HNMT: variants seen among roughly 807,000 people sequenced by gnomAD.
HNMT encodes the protein histamine N-methyltransferase.
Under a neutral mutation model 32.1 loss-of-function variants are expected in HNMT, and 30 were observed. The observed-to-expected ratio is 0.93, with a 90% CI of 0.70 to 1.27. HNMT has a LOEUF of 1.27. Among genes scored for constraint, HNMT ranks in the 50% most tolerant of loss-of-function variants. The probability of loss-of-function intolerance (pLI) is 0.00; values close to 1 mark genes in which losing one functional copy is unlikely to be tolerated. For synonymous variants in HNMT, 125 were observed against 119.0 expected, an observed-to-expected ratio of 1.05 and a Z score of -0.33; for missense variants, 327 against 346.0, an observed-to-expected ratio of 0.95 and a Z score of 0.43.
intron 2 of HNMT, among the ~76,000 whole-genome samples, chr2:137,982,955 C>G (rs1290049760): frequency 6.6e-6 from 1 of 152,120 alleles, no homozygotes; most frequent in African/African-American, 2.4e-5. Flanking sequence ...AGCTGAGGTT[C>G]AGATATTTTG....
At chr2:137,993,206 G>C (rs1466397647) in intron 2 of HNMT, among the ~76,000 whole-genome samples, 2 of 152,118 alleles carry the variant, frequency 1.3e-5, no homozygotes, top group Non-Finnish European at 2.9e-5. Context: ...GGATCAGATG[G>C]ACAAATTGAC....
chr2:137,969,860 A>G (rs1405060534), intron 1 of HNMT, among the ~76,000 whole-genome samples: 1 of 152,096 alleles, frequency 6.6e-6, no homozygotes, highest in East Asian at 1.9e-4. Context: ...ATATGACTAG[A>G]CTCAAAACTC....
chr2:137,981,068 T>C (rs1356625580), intron 2 of HNMT: 7 of 1,043,088 alleles, frequency 6.7e-6, no homozygotes, highest in Non-Finnish European at 5.3e-6. Flanking sequence ...ACAAAAATGA[T>C]AATAATCTTA....
chr2:137,974,005 A>T (rs572691038), intron 2 of HNMT, among the ~76,000 whole-genome samples: 10 of 152,156 alleles, frequency 6.6e-5, no homozygotes, highest in Admixed American at 6.5e-4. Flanking sequence ...GATGACTCTG[A>T]GTCATCTACC....
At chr2:138,005,048 T>G in intron 4 of HNMT, 84 bp from the exon 5 acceptor site, 1 of 707,056 alleles carries the variant, frequency 1.4e-6, no homozygotes, top group Non-Finnish European at 2.4e-6. Flanking sequence ...AACTAGAAAA[T>G]CAAACTTTCT....
intron 3 of HNMT, among the ~76,000 whole-genome samples, 155 bp downstream of exon 3, chr2:138,001,180 A>T (rs1681159461): frequency 6.6e-6 from 1 of 152,182 alleles, no homozygotes; most frequent in Admixed American, 6.6e-5. Flanking sequence ...GCATGACTAA[A>T]CATCTCAAAA....
At chr2:138,010,439 A>G (rs1037090288) in intron 5 of HNMT, among the ~76,000 whole-genome samples, 14 of 96,004 alleles carry the variant, frequency 1.5e-4, no homozygotes, top group African/African-American at 5.5e-4. Context: ...AAAAAGACAC[A>G]CGCACACACA....
At chr2:137,965,162 T>G (rs1679917614) in intron 1 of HNMT, among the ~76,000 whole-genome samples, 1 of 152,232 alleles carries the variant, frequency 6.6e-6, no homozygotes, top group African/African-American at 2.4e-5. Flanking sequence ...CAGCTTAATA[T>G]TAGCAATGTG....
intron 2 of HNMT, among the ~76,000 whole-genome samples, chr2:137,992,130 C>T (rs545139706): frequency 1.3e-5 from 2 of 152,296 alleles, no homozygotes; most frequent in South Asian, 2.1e-4. Context: ...CAGGGACTAG[C>T]GTCCCAACCC....
At chr2:137,982,995 C>T (rs1680548509) in intron 2 of HNMT, among the ~76,000 whole-genome samples, 1 of 152,186 alleles carries the variant, frequency 6.6e-6, no homozygotes, top group African/African-American at 2.4e-5. Flanking sequence ...TGCATTTCAT[C>T]AAGTAATAGA....
chr2:137,987,031 A>T (rs1053626192), intron 2 of HNMT, among the ~76,000 whole-genome samples: 23 of 152,212 alleles, frequency 1.5e-4, no homozygotes, highest in Non-Finnish European at 3.1e-4. Context: ...AGAAAATACT[A>T]TGATATGTTT....
chr2:138,015,827 T>C lies in HNMT; in HGVS notation c.*1697T>C, dbSNP rs1573687501. 1 of 152,154 alleles carries C rather than the reference T, an allele frequency of 6.6e-6. No individual in the cohort carries two copies. Among genetic ancestry groups the C allele is most frequent in the Non-Finnish European group, 1.5e-5 (1 of 68,002 alleles). The allele number at this position is 152,154 out of a possible 1,614,324, so 9.4% of individuals were successfully genotyped here. Reference sequence around the variant, plus strand: ...GTGCAAAAACAAACAAAATTAGAACTAACAATGCTATTGAAAGATACAAAA... The same window carrying C: ...GTGCAAAAACAAACAAAATTAGAACCAACAATGCTATTGAAAGATACAAAA... On this transcript the variant is annotated 3_prime_UTR_variant, in exon 6 of 6. Coordinates refer to ENST00000280097, the MANE Select transcript of HNMT (RefSeq NM_006895.3).
Position 138,015,630 on chromosome 2 carries a change from A to G in HNMT, c.*1500A>G, listed in dbSNP as rs1381910412. 15 of 152,158 alleles carry G rather than the reference A, an allele frequency of 9.9e-5. No individual in the cohort carries two copies. The highest frequency in any genetic ancestry group is 4.4e-5 in the Non-Finnish European group (3 of 68,024). 9.4% of individuals were successfully genotyped at this position (152,158 alleles called of 1,614,324 possible). ...CAACAAATGAAACGACAGTTATCCA[A>G]TCAGATTCCTGAAAATGAACACTGA... On this transcript the variant is annotated 3_prime_UTR_variant, in exon 6 of 6. Coordinates refer to ENST00000280097, the MANE Select transcript of HNMT (RefSeq NM_006895.3).
In HNMT at chr2:138,013,940, T is replaced by C; in HGVS notation, c.689T>C (p.Phe230Ser). ...TCCACCATGGATATATCTGACTGCT[T>C]TATTGATGGTAATGAAAATGGAGAC... ...LLSTMDISDC[F>S]IDGNENGDLL... Residue 230 changes from phenylalanine to serine, a missense_variant, in exon 6 of 6, where the codon TTT (phenylalanine) becomes TCT (serine). Physicochemically the swap from Phe to Ser is radical, Grantham distance 155. Coordinates refer to ENST00000280097, the MANE Select transcript of HNMT (RefSeq NM_006895.3). The C allele has an allele frequency of 6.2e-7, 1 of 1,613,786 alleles. No individual in the cohort carries two copies. The highest frequency in any genetic ancestry group is 8.5e-7 in the Non-Finnish European group (1 of 1,179,836).
In HNMT at chr2:138,013,957, A is replaced by C. The variant is rs759645207; in HGVS notation, c.706A>C (p.Asn236His). The change falls in exon 6 of 6, where the codon AAT becomes CAT. Residue 236 changes from asparagine (N) to histidine (H), a missense_variant. Asn to His is a moderately conservative substitution (Grantham distance 68). Coordinates refer to ENST00000280097, the MANE Select transcript of HNMT (RefSeq NM_006895.3). ...TGACTGCTTTATTGATGGTAATGAA[A>C]ATGGAGACCTGCTTTGGGATTTTTT... is the stretch of plus-strand genomic sequence containing the variant. ...ISDCFIDGNE[N>H]GDLLWDFLTE... The C allele has an allele frequency of 6.2e-7, 1 of 1,613,708 alleles. No homozygotes were observed. Among genetic ancestry groups the C allele is most frequent in the African/African-American group, 1.3e-5 (1 of 74,852 alleles).
intron 2 of HNMT, among the ~76,000 whole-genome samples, chr2:137,983,575 G>A (rs567241637): frequency 9.2e-5 from 14 of 152,254 alleles, no homozygotes; most frequent in African/African-American, 2.6e-4. Flanking sequence ...AACGTGCAGT[G>A]CTCATCATAC....
In HNMT at chr2:137,995,167, A is replaced by G. The variant is rs1680950904; in HGVS notation, c.191-5751A>G. ...CAGAAGACTAGAAATAACTATGATC[A>G]GAGAAGAATTAAAGGAGATAGAGAC... On this transcript the variant is annotated intron_variant, in intron 2 of 5. Transcript: ENST00000280097. 4.6e-5 allele frequency among the ~76,000 whole-genome samples: 7 copies of G among 152,098 alleles called. No homozygotes were observed. In the South Asian group the frequency reaches 1.5e-3, roughly 32 times the overall value.
At chr2:137,994,922 T>A (rs540227848) in intron 2 of HNMT, among the ~76,000 whole-genome samples, 1 of 152,206 alleles carries the variant, frequency 6.6e-6, no homozygotes, top group South Asian at 2.1e-4. Context: ...GACTCCTGGG[T>A]AAATAATGAA....
At chr2:138,006,707 T>C (rs1249676865) in intron 5 of HNMT, among the ~76,000 whole-genome samples, 1 of 152,048 alleles carries the variant, frequency 6.6e-6, no homozygotes, top group Admixed American at 6.6e-5. Context: ...ATGTGTTGTA[T>C]GTTAATACAT....
Sources: gnomAD v4.1 joint callset for allele counts (sites outside exome capture counted in the v4.1 genomes callset) on GRCh38, gnomAD v4.1.1 for gene constraint, MANE v1.5 for transcripts, NCBI Gene and HGNC (gene_info 2026-07-23, HGNC 2026-07-21) for gene names.